UGT1A8: variants seen among roughly 807,000 people sequenced by gnomAD.
The protein encoded by UGT1A8 is UDP-glucuronosyltransferase 1A8.
Under a neutral mutation model 45.3 loss-of-function variants are expected in UGT1A8, and 39 were observed. That is an observed-to-expected ratio of 0.86 (90% CI 0.67 to 1.12). The LOEUF is 1.12. UGT1A8 is among the 50% of genes most tolerant of loss of function. The pLI, the probability that UGT1A8 is intolerant of heterozygous loss-of-function variation, is 0.00. For missense variants in UGT1A8, 719 were observed against 664.9 expected (o/e 1.08, Z -0.90); for synonymous variants, 275 against 249.2 (o/e 1.10, Z -0.97).
At chr2:233,704,499 C>T (rs143604503) in intron 1 of UGT1A8, among the ~76,000 whole-genome samples, 159 of 151,990 alleles carry the variant, frequency 1.0e-3, no homozygotes, top group Middle Eastern at 3.4e-3. Context: ...TATTGTTATA[C>T]GTGGTACATC....
Position 233,772,346 on chromosome 2 carries a change from G to A in UGT1A8, c.1380G>A (p.Glu460=), listed in dbSNP as rs115944950. ...TGGACCTGGCCGTGTTCTGGGTGGA[G>A]TTTGTGATGAGGCACAAGGGCGCGC... The part of the protein sequence containing the change: ...EPLDLAVFWV[E]FVMRHKGAPH... Residue 460 remains glutamate, a synonymous_variant, in exon 5 of 5, where the codon GAG becomes GAA. Coordinates refer to ENST00000373450, the MANE Select transcript of UGT1A8 (RefSeq NM_019076.5). The A allele has an allele frequency of 6.2e-7, 1 of 1,614,250 alleles. No homozygotes were observed. Among genetic ancestry groups the A allele is most frequent in the African/African-American group, 1.3e-5 (1 of 75,066 alleles).
chr2:233,656,255 C>T (rs2073850286), intron 1 of UGT1A8, among the ~76,000 whole-genome samples: 1 of 152,202 alleles, frequency 6.6e-6, no homozygotes, highest in African/African-American at 2.4e-5. Flanking sequence ...CCCTATACAT[C>T]AAAAGGTCTC....
At chr2:233,713,517 A>G (rs191789950) in intron 1 of UGT1A8, 2 of 1,613,958 alleles carry the variant, frequency 1.2e-6, no homozygotes, top group Non-Finnish European at 1.7e-6. Context: ...CTTGAGGAAC[A>G]TTCCATGTGA....
intron 1 of UGT1A8, among the ~76,000 whole-genome samples, chr2:233,633,970 A>G (rs867359037): frequency 1.5e-4 from 23 of 152,300 alleles, no homozygotes; most frequent in Middle Eastern, 6.8e-3. Flanking sequence ...CCCTCTGAAC[A>G]TAGATTTAGC....
chr2:233,632,069 C>A (rs1426191907), intron 1 of UGT1A8, among the ~76,000 whole-genome samples: 1 of 152,142 alleles, frequency 6.6e-6, no homozygotes, highest in East Asian at 1.9e-4. Flanking sequence ...CCAGTTTTCC[C>A]AACACCATTT....
chr2:233,654,466 A>C (rs1559326576), intron 1 of UGT1A8, among the ~76,000 whole-genome samples: 1 of 152,256 alleles, frequency 6.6e-6, no homozygotes, highest in Non-Finnish European at 1.5e-5. Context: ...TCATAAAATT[A>C]AGTAGTTTAC....
rs190744924 is a variant in UGT1A8, at chr2:233,628,549, G to A, written c.855+9987G>A. ...TTATTCCTACATAGATAAACTTATT[G>A]TCTGTGAATGAGACCTTTTTTATTT... On this transcript the variant is annotated intron_variant, in intron 1 of 4. Transcript: ENST00000373450. Among the ~76,000 whole-genome samples, 24 of 152,134 alleles carry A rather than the reference G, an allele frequency of 1.6e-4. No homozygotes were observed. In the East Asian group the frequency reaches 4.6e-3, roughly 29 times the overall value.
chr2:233,665,917 T>A (rs1233244430), intron 1 of UGT1A8, among the ~76,000 whole-genome samples: 1 of 152,140 alleles, frequency 6.6e-6, no homozygotes, highest in Non-Finnish European at 1.5e-5. Context: ...ATATGAGAGG[T>A]CCAGCTGTTC....
Position 233,682,613 on chromosome 2 carries a change from A to G in UGT1A8, c.855+64051A>G, listed in dbSNP as rs2074587182. The stretch of plus-strand genomic sequence containing the variant: ...TTTATTTTGCCCCTATTTTTTCAAA[A>G]ATGTCTTAGAAATAGCCTCTGAAAT... On this transcript the variant is annotated intron_variant, in intron 1 of 4. Transcript: ENST00000373450. 1.2e-6 allele frequency: 2 copies of G among 1,613,888 alleles called. No homozygotes were observed. Among genetic ancestry groups the G allele is most frequent in the African/African-American group, 2.7e-5 (2 of 75,030 alleles).
chr2:233,646,092 A>G (rs375138594), intron 1 of UGT1A8, among the ~76,000 whole-genome samples: 3 of 152,178 alleles, frequency 2.0e-5, no homozygotes, highest in East Asian at 1.9e-4. Flanking sequence ...TCAACCCCAC[A>G]TGGAAGCTGC....
At chr2:233,664,135 C>G (rs1184825338) in intron 1 of UGT1A8, among the ~76,000 whole-genome samples, 1 of 152,160 alleles carries the variant, frequency 6.6e-6, no homozygotes, top group Non-Finnish European at 1.5e-5. Context: ...GACCTTTGCT[C>G]AAGTTCCAAA....
At chr2:233,691,577 A>G in intron 1 of UGT1A8, 1 of 985,616 alleles carries the variant, frequency 1.0e-6, no homozygotes, top group Non-Finnish European at 1.2e-6. Context: ...TCTCACTGGG[A>G]CAGCCTAGTT....
chr2:233,768,027 G>A (rs762903764), intron 3 of UGT1A8, 91 bp downstream of exon 3: 89 of 1,612,900 alleles, frequency 5.5e-5, no homozygotes, highest in Non-Finnish European at 7.1e-5. Context: ...TGTTGAGCTT[G>A]AAAATATTAT....
intron 1 of UGT1A8, among the ~76,000 whole-genome samples, chr2:233,628,761 C>T (rs1048703280): frequency 6.6e-6 from 1 of 151,974 alleles, no homozygotes; most frequent in Non-Finnish European, 1.5e-5. Context: ...CCAAGATGTC[C>T]TTCATTAGTT....
intron 1 of UGT1A8, among the ~76,000 whole-genome samples, chr2:233,762,725 T>C (rs1290938105): frequency 6.6e-6 from 1 of 152,154 alleles, no homozygotes; most frequent in African/African-American, 2.4e-5. Context: ...CGGTTTTTTT[T>C]TTTTGGTCAC....
At chr2:233,662,385 A>G (rs1311413316) in intron 1 of UGT1A8, among the ~76,000 whole-genome samples, 5 of 152,176 alleles carry the variant, frequency 3.3e-5, no homozygotes, top group Non-Finnish European at 7.3e-5. Context: ...ATTTTCTAAT[A>G]TATTTATTGC....
chr2:233,713,977 C>T, intron 1 of UGT1A8: 3 of 1,595,304 alleles, frequency 1.9e-6, no homozygotes, highest in East Asian at 2.2e-5. Context: ...TTCTGCTTCT[C>T]ATTGTTGTAA....
chr2:233,679,824 A>G (rs555609688), intron 1 of UGT1A8, among the ~76,000 whole-genome samples: 3 of 152,230 alleles, frequency 2.0e-5, no homozygotes, highest in South Asian at 2.1e-4. Flanking sequence ...TCATAAAATG[A>G]CTTTAATTTT....
chr2:233,698,282 GA>G (rs528248105), intron 1 of UGT1A8, among the ~76,000 whole-genome samples: 32 of 152,044 alleles, frequency 2.1e-4, no homozygotes, highest in Admixed American at 1.5e-3. Context: ...TCAACACTAT[GA>G]AAAAAAATGT....
Sources: gnomAD v4.1 joint callset for allele counts (sites outside exome capture counted in the v4.1 genomes callset) on GRCh38, gnomAD v4.1.1 for gene constraint, MANE v1.5 for transcripts, NCBI Gene and HGNC (gene_info 2026-07-23, HGNC 2026-07-21) for gene names.